RBM26: variants seen among roughly 807,000 people sequenced by gnomAD.
The protein encoded by RBM26 is RNA-binding protein 26.
In RBM26, 30 loss-of-function variants were observed where a neutral mutation model predicts 123.6. The ratio of observed to expected loss-of-function variants is 0.24; its 90% CI spans 0.18 to 0.33. The LOEUF is 0.33. Ranked by LOEUF, RBM26 falls within the 10% of genes least tolerant of loss-of-function variation. The pLI is 1.00. For missense variants in RBM26, 947 were observed against 1,203.6 expected, an observed-to-expected ratio of 0.79 and a Z score of 3.15; for synonymous variants, 400 against 404.4, an observed-to-expected ratio of 0.99 and a Z score of 0.13.
intron 10 of RBM26, 62 bp from the exon 11 acceptor site, chr13:79,358,495 G>A: frequency 1.5e-6 from 2 of 1,297,100 alleles, no homozygotes; most frequent in Non-Finnish European, 2.1e-6. Flanking sequence ...CAAATACAAG[G>A]GAATAAAGTT....
chr13:79,344,366 T>A (rs766188736), intron 15 of RBM26, 44 bp from the exon 16 acceptor site: 3 of 1,349,346 alleles, frequency 2.2e-6, no homozygotes, highest in Non-Finnish European at 3.2e-6. Context: ...TTACTAAGGA[T>A]AAACAATATT....
chr13:79,336,497 G>A (rs2070429764), intron 19 of RBM26, among the ~76,000 whole-genome samples: 1 of 152,024 alleles, frequency 6.6e-6, no homozygotes, highest in Non-Finnish European at 1.5e-5. Flanking sequence ...GAGATGAAAG[G>A]GCCATTCAGC....
chr13:79,320,198 AC>A lies in RBM26; in HGVS notation c.*422del. 1 of 950,486 alleles carries A rather than the reference AC, an allele frequency of 1.1e-6. No individual in the cohort carries two copies. Among genetic ancestry groups the A allele is most frequent in the Non-Finnish European group, 1.3e-6 (1 of 797,356 alleles). 58.9% of individuals were successfully genotyped at this position (950,486 alleles called of 1,614,324 possible). ...ATAACTTGGAGACTTTAGTTAGAGT[AC>A]TATGTTATCTATTCAGTTTTGAAAA... On this transcript the variant is annotated 3_prime_UTR_variant, in exon 22 of 22. Coordinates refer to ENST00000438737, the MANE Select transcript of RBM26 (RefSeq NM_001366735.2).
chr13:79,360,185 A>T (rs1594309475), intron 9 of RBM26, among the ~76,000 whole-genome samples: 1 of 152,128 alleles, frequency 6.6e-6, no homozygotes, highest in South Asian at 2.1e-4. Context: ...TGTCTAATTT[A>T]TAAGTGAAAC....
At chr13:79,398,643 A>G (rs1374119472) in intron 1 of RBM26, among the ~76,000 whole-genome samples, 1 of 152,216 alleles carries the variant, frequency 6.6e-6, no homozygotes, top group Admixed American at 6.5e-5. Flanking sequence ...TCTTGCACAT[A>G]GCAACATTCA....
At position 79,320,317 on chromosome 13, in the gene RBM26, A is replaced by T. The variant is rs1006947463; in HGVS notation, c.*304T>A. ...ACAAGTATTGGTCATAAGTTTTCAGACCTATTCATTAAATTACAAAGAACC... is the reference window on the plus strand; with the variant it reads ...ACAAGTATTGGTCATAAGTTTTCAGTCCTATTCATTAAATTACAAAGAACC... On this transcript the variant is annotated 3_prime_UTR_variant, in exon 22 of 22. Coordinates refer to ENST00000438737, the MANE Select transcript of RBM26 (RefSeq NM_001366735.2). 2.0e-6 allele frequency: 2 copies of T among 1,014,092 alleles called. No homozygotes were observed. The highest frequency in any genetic ancestry group is 2.4e-6 in the Non-Finnish European group (2 of 846,316). The allele number at this position is 1,014,092 out of a possible 1,614,324, so 62.8% of individuals were successfully genotyped here. A position where few individuals can be genotyped will look rare whatever the true frequency, so the allele number is the denominator to read the frequency against.
In RBM26 at chr13:79,322,383, A is replaced by G. The variant is rs576246905; in HGVS notation, c.2900T>C (p.Val967Ala). ...ATCAGGCTCAACTTCTTCTGTTTCA[A>G]CAGCTGAAATATTAGTTACTGGTTT... ...WNKPVTNISA[V>A]ETEEVEPDEE... Residue 967 changes from valine to alanine, a missense_variant, in exon 21 of 22, where the codon GTT becomes GCT. Around this residue, in one of 5 missense-constraint regions of RBM26, gnomAD observed 164 missense variants for 215.3 expected, o/e 0.76. Coordinates refer to ENST00000438737, the MANE Select transcript of RBM26 (RefSeq NM_001366735.2). 1.6e-5 allele frequency: 26 copies of G among 1,577,564 alleles called. No individual in the cohort carries two copies. In the East Asian group the frequency reaches 5.2e-4, roughly 31 times the overall value.
Position 79,371,888 on chromosome 13 carries a change from G to C in RBM26, c.370C>G (p.Leu124Val). Reference protein sequence around the residue: ...EEREKKFSRRLNHSPPQSSSR... With the variant: ...EEREKKFSRRVNHSPPQSSSR... ...CTTGACTGGGGAGGACTGTGATTTA[G>C]CCTTCTAGAAAACTTCTTCTCTCGC... Residue 124 changes from leucine to valine, a missense_variant, in exon 4 of 22, where the codon CTA becomes GTA. Leu to Val is a conservative substitution (Grantham distance 32). Coordinates refer to ENST00000438737, the MANE Select transcript of RBM26 (RefSeq NM_001366735.2). 1 of 1,611,612 alleles carries C rather than the reference G, an allele frequency of 6.2e-7. No homozygotes were observed. Among genetic ancestry groups the C allele is most frequent in the Non-Finnish European group, 8.5e-7 (1 of 1,178,862 alleles).
At chr13:79,357,474 C>CAT (rs2074161716) in intron 11 of RBM26, among the ~76,000 whole-genome samples, 1 of 152,058 alleles carries the variant, frequency 6.6e-6, no homozygotes, top group African/African-American at 2.4e-5. Flanking sequence ...ACCCAAGTTA[C>CAT]ATATACCCAA....
At chr13:79,383,853 G>A (rs2077263812) in intron 1 of RBM26, among the ~76,000 whole-genome samples, 1 of 152,306 alleles carries the variant, frequency 6.6e-6, no homozygotes, top group South Asian at 2.1e-4. Context: ...GATCATCAAG[G>A]AAGGACTCTG....
At position 79,371,047 on chromosome 13, in the gene RBM26, T is replaced by C; in HGVS notation, c.532A>G (p.Ser178Gly). 6.2e-7 allele frequency: 1 copy of C among 1,613,832 alleles called. No homozygotes were observed. Among genetic ancestry groups the C allele is most frequent in the Non-Finnish European group, 8.5e-7 (1 of 1,179,686 alleles). ...CTTCGACTTCGACTCCTGCTATAAC[T>C]GCGACTCCGCCCTCGTCTTCTATTG... ...RYNRRRGRSR[S>G]YSRSRSRSWS... The change falls in exon 5 of 22, where the codon AGT (serine) becomes GGT (glycine). Residue 178 changes from serine (S) to glycine (G), a missense_variant. By Grantham distance (56) the Ser-to-Gly change is moderately conservative (BLOSUM62 0). Around this residue, in one of 5 missense-constraint regions of RBM26, gnomAD observed 275 missense variants for 361.0 expected, o/e 0.76. Transcript: ENST00000438737.
At chr13:79,352,210 C>T (rs1330663036) in intron 14 of RBM26, among the ~76,000 whole-genome samples, 2 of 152,046 alleles carry the variant, frequency 1.3e-5, no homozygotes, top group Non-Finnish European at 2.9e-5. Flanking sequence ...GACAGCAGGG[C>T]AGCTATCTCA....
chr13:79,372,912 CATATTTTATATAATATAT>C (rs2076112571), intron 3 of RBM26, among the ~76,000 whole-genome samples: 1 of 64,302 alleles, frequency 1.6e-5, no homozygotes, highest in East Asian at 3.3e-4. Context: ...TTATATATTA[CATATTTTATATAATATAT>C]AAGATATATC....
chr13:79,394,992 C>T (rs946075766), intron 1 of RBM26, among the ~76,000 whole-genome samples: 2 of 152,148 alleles, frequency 1.3e-5, no homozygotes, highest in African/African-American at 4.8e-5. Context: ...TGAACTGAAT[C>T]AAACGAAAGT....
intron 14 of RBM26, among the ~76,000 whole-genome samples, chr13:79,352,497 A>G (rs1400602186): frequency 2.6e-5 from 4 of 152,110 alleles, no homozygotes; most frequent in Non-Finnish European, 5.9e-5. Flanking sequence ...ACACAGAACT[A>G]TAAGATATAT....
chr13:79,365,242 C>T (rs575584685), intron 9 of RBM26, among the ~76,000 whole-genome samples: 2 of 152,234 alleles, frequency 1.3e-5, no homozygotes, highest in South Asian at 4.1e-4. Flanking sequence ...CAGAGAAGTT[C>T]AAGACCAGCC....
intron 1 of RBM26, among the ~76,000 whole-genome samples, chr13:79,390,298 T>C (rs1258194864): frequency 6.6e-6 from 1 of 152,152 alleles, no homozygotes; most frequent in African/African-American, 2.4e-5. Flanking sequence ...AAACTACAGA[T>C]ATATGCAATA....
At chr13:79,363,486 T>TA (rs893536787) in intron 9 of RBM26, among the ~76,000 whole-genome samples, 1 of 152,074 alleles carries the variant, frequency 6.6e-6, no homozygotes, top group African/African-American at 2.4e-5. Flanking sequence ...GTTTGGTACA[T>TA]AAAATCACTG....
In RBM26 at chr13:79,320,563, A is replaced by G. The variant is rs990806294; in HGVS notation, c.*58T>C. 2 of 1,443,264 alleles carry G rather than the reference A, an allele frequency of 1.4e-6. No individual in the cohort carries two copies. The highest frequency in any genetic ancestry group is 1.9e-4 in the Middle Eastern group (1 of 5,372). The allele number at this position is 1,443,264 out of a possible 1,614,324, so 89.4% of individuals were successfully genotyped here. A position where few individuals can be genotyped will look rare whatever the true frequency, so the allele number is the denominator to read the frequency against. ...TTACAAATATGTAAAAGTACATTAGATAATACTAATGAAACACAGGTAGAG... is the reference window on the plus strand; with the variant it reads ...TTACAAATATGTAAAAGTACATTAGGTAATACTAATGAAACACAGGTAGAG... On this transcript the variant is annotated 3_prime_UTR_variant, in exon 22 of 22. Transcript: ENST00000438737.
Sources: allele counts gnomAD v4.1 joint callset (sites outside exome capture counted in the v4.1 genomes callset), GRCh38; gene constraint gnomAD v4.1.1; regional missense constraint gnomAD v4.1.1; transcripts MANE v1.5; gene names NCBI Gene and HGNC (gene_info 2026-07-23, HGNC 2026-07-21).